Variants in EIF2AK3 observed in about 807,000 individuals in gnomAD.
The protein encoded by EIF2AK3 is eukaryotic translation initiation factor 2-alpha kinase 3.
In EIF2AK3, 50 loss-of-function variants were observed where a neutral mutation model predicts 113.5. That is an observed-to-expected ratio of 0.44 (90% confidence interval 0.35 to 0.56). The LOEUF is 0.56. Among genes scored for constraint, EIF2AK3 ranks in the 20% least tolerant of loss-of-function variants. The pLI, the probability that EIF2AK3 is intolerant of heterozygous loss-of-function variation, is 0.00. For synonymous variants in EIF2AK3, 448 were observed against 495.4 expected, an observed-to-expected ratio of 0.90 and a Z score of 1.27; for missense variants, 1,185 against 1,378.0, an observed-to-expected ratio of 0.86 and a Z score of 2.22.
chr2:88,597,000 C>T (rs1354690047), intron 2 of EIF2AK3, among the ~76,000 whole-genome samples: 1 of 152,108 alleles, frequency 6.6e-6, no homozygotes, highest in African/African-American at 2.4e-5. Flanking sequence ...CCTGATTATC[C>T]AGGCTCAAAA....
intron 2 of EIF2AK3, among the ~76,000 whole-genome samples, chr2:88,612,634 G>A (rs1378292456): frequency 6.6e-6 from 1 of 152,172 alleles, no homozygotes; most frequent in East Asian, 1.9e-4. Context: ...ATCAGTTTGG[G>A]TGCACCAGAA....
At position 88,607,407 on chromosome 2, in the gene EIF2AK3, C is replaced by G. The variant is rs534317772; in HGVS notation, c.438+6317G>C. The stretch of plus-strand genomic sequence containing the variant: ...TATTATGCTTAGAACCTAAGCACAT[C>G]TGTTAAAGCTAATAGAGTGAACTTT... On this transcript the variant is annotated intron_variant, in intron 2 of 16. Transcript: ENST00000303236. Among the ~76,000 whole-genome samples, 6 of 152,304 alleles carry G rather than the reference C, an allele frequency of 3.9e-5. No homozygotes were observed. The East Asian group carries it at 1.2e-3, about 29-fold the overall frequency.
chr2:88,624,014 G>T (rs953255024), intron 1 of EIF2AK3, among the ~76,000 whole-genome samples: 2 of 150,494 alleles, frequency 1.3e-5, no homozygotes, highest in Non-Finnish European at 3.0e-5. Flanking sequence ...TTTTTGAGAC[G>T]GAGTTTCGCT....
At chr2:88,596,323 AC>A (rs1162007176) in intron 2 of EIF2AK3, among the ~76,000 whole-genome samples, 2 of 152,180 alleles carry the variant, frequency 1.3e-5, no homozygotes, top group African/African-American at 4.8e-5. Flanking sequence ...TTAAGGGCTT[AC>A]CTATGGCCTG....
intron 8 of EIF2AK3, among the ~76,000 whole-genome samples, chr2:88,587,137 G>A (rs1674755371): frequency 6.7e-6 from 1 of 148,782 alleles, no homozygotes; most frequent in East Asian, 2.0e-4. Flanking sequence ...CCCAGGAGGT[G>A]GAGGTTGTAG....
intron 1 of EIF2AK3, among the ~76,000 whole-genome samples, chr2:88,618,512 T>A (rs1318694560): frequency 6.6e-6 from 1 of 152,204 alleles, no homozygotes; most frequent in African/African-American, 2.4e-5. Context: ...TACCTGATCA[T>A]AAAAATAATC....
At chr2:88,614,320 T>C (rs973687779) in intron 1 of EIF2AK3, among the ~76,000 whole-genome samples, 1 of 152,176 alleles carries the variant, frequency 6.6e-6, no homozygotes, top group Admixed American at 6.5e-5. Context: ...TGTATCTCAT[T>C]GCCATTTCCA....
At position 88,603,927 on chromosome 2, in the gene EIF2AK3, C is replaced by T. The variant is rs114826261; in HGVS notation, c.439-8264G>A. On this transcript the variant is annotated intron_variant, in intron 2 of 16. Transcript: ENST00000303236. ...ACAACACATGTTCTTCCTTTCTATA[C>T]CTGTTCTTAATTTACTACTAAATCC... 9.4e-3 allele frequency among the ~76,000 whole-genome samples: 1,431 copies of T among 152,208 alleles called. 21 individuals are homozygous for T. Among genetic ancestry groups the T allele is most frequent in the African/African-American group, 0.033 (1,366 of 41,524 alleles).
chr2:88,592,915 T>C (rs1192090549), intron 4 of EIF2AK3, among the ~76,000 whole-genome samples: 1 of 151,950 alleles, frequency 6.6e-6, no homozygotes, highest in African/African-American at 2.4e-5. Flanking sequence ...AGGACCCACA[T>C]TGGATCACCT....
At chr2:88,569,136 CT>C (rs1286825828) in intron 14 of EIF2AK3, among the ~76,000 whole-genome samples, 2 of 152,234 alleles carry the variant, frequency 1.3e-5, no homozygotes, top group Admixed American at 1.3e-4. Flanking sequence ...GGTAATCTGC[CT>C]GCCTCGGCCT....
chr2:88,562,137 G>C (rs1442949433), intron 15 of EIF2AK3, 152 bp downstream of exon 15: 4 of 659,294 alleles, frequency 6.1e-6, no homozygotes, highest in Non-Finnish European at 1.1e-5. Flanking sequence ...AAATAGTCTA[G>C]AACTCCTCTC....
intron 2 of EIF2AK3, among the ~76,000 whole-genome samples, chr2:88,598,056 A>T (rs1438058555): frequency 1.3e-5 from 2 of 152,174 alleles, no homozygotes; most frequent in Non-Finnish European, 2.9e-5. Flanking sequence ...AAAAACAAGG[A>T]TGTGCTTGAA....
intron 2 of EIF2AK3, among the ~76,000 whole-genome samples, chr2:88,600,255 A>G (rs1232570345): frequency 6.6e-6 from 1 of 152,176 alleles, no homozygotes; most frequent in Non-Finnish European, 1.5e-5. Context: ...GAGCCACAGA[A>G]GCAATATATG....
At chr2:88,616,488 G>A (rs762792659) in intron 1 of EIF2AK3, among the ~76,000 whole-genome samples, 1 of 152,082 alleles carries the variant, frequency 6.6e-6, no homozygotes, top group Non-Finnish European at 1.5e-5. Context: ...GTGCAATGGC[G>A]CAATCTCGGC....
intron 15 of EIF2AK3, among the ~76,000 whole-genome samples, chr2:88,560,118 TC>T: frequency 6.6e-6 from 1 of 152,252 alleles, no homozygotes; most frequent in Middle Eastern, 3.4e-3. Context: ...ACTTGACATT[TC>T]CTTTTTTTTT....
At chr2:88,562,229 T>C in intron 15 of EIF2AK3, 60 bp downstream of exon 15, 1 of 1,401,448 alleles carries the variant, frequency 7.1e-7, no homozygotes, top group South Asian at 1.2e-5. Flanking sequence ...AAAAACTCTT[T>C]TGTAAATGTT....
Position 88,579,416 on chromosome 2 carries a change from G to T in EIF2AK3, c.1886+102C>A, listed in dbSNP as rs559363149. On this transcript the variant is annotated intron_variant, in intron 11 of 16. Coordinates refer to ENST00000303236, the MANE Select transcript of EIF2AK3 (RefSeq NM_004836.7). Reference sequence around the variant, plus strand: ...CCTAAGATTTGAAACGTCTGAAACTGTTTTCTATGGTGTTTACAGAGTACA... The same window carrying T: ...CCTAAGATTTGAAACGTCTGAAACTTTTTTCTATGGTGTTTACAGAGTACA... 66 of 1,486,944 alleles carry T rather than the reference G, an allele frequency of 4.4e-5. No homozygotes were observed. The African/African-American group carries it at 8.9e-4, about 20-fold the overall frequency. The allele number at this position is 1,486,944 out of a possible 1,614,324, so 92.1% of individuals were successfully genotyped here.
At chr2:88,560,000 ATGTTTAAC>A (rs1473861999) in intron 15 of EIF2AK3, among the ~76,000 whole-genome samples, 1 of 152,170 alleles carries the variant, frequency 6.6e-6, no homozygotes, top group Non-Finnish European at 1.5e-5. Context: ...TGGTAATTCT[ATGTTTAAC>A]TGTTTAAGGA....
rs767767088 is a variant in EIF2AK3, at chr2:88,562,298, C to G, written c.3078G>C (p.Glu1026Asp). ...ELLYPFSTQM[E>D]RVRTLTDVRN... is the part of the protein sequence containing the mutation. The stretch of plus-strand genomic sequence containing the variant: ...TAGGGAGGGTACTTACCCTGACTCT[C>G]TCCATCTGAGTGCTGAATGGATACA... Residue 1026 changes from glutamate (E) to aspartate (D), a missense_variant, in exon 15 of 17, where the codon GAG becomes GAC. Around this residue, in one of 3 missense-constraint regions of EIF2AK3, gnomAD observed 877 missense variants for 1,024.2 expected, o/e 0.86. Coordinates refer to ENST00000303236, the MANE Select transcript of EIF2AK3 (RefSeq NM_004836.7). The G allele has an allele frequency of 1.9e-6, 3 of 1,613,544 alleles. No homozygotes were observed. The highest frequency in any genetic ancestry group is 2.2e-5 in the East Asian group (1 of 44,852).
Sources: allele counts gnomAD v4.1 joint callset (sites outside exome capture counted in the v4.1 genomes callset), GRCh38; gene constraint gnomAD v4.1.1; regional missense constraint gnomAD v4.1.1; transcripts MANE v1.5; gene names NCBI Gene and HGNC (gene_info 2026-07-23, HGNC 2026-07-21).